KIF7: variants seen among roughly 807,000 people sequenced by gnomAD.
The protein encoded by KIF7 is kinesin family member 7, also known as kinesin-like protein KIF7.
Under a neutral mutation model 135.7 loss-of-function variants are expected in KIF7, and 104 were observed. The observed-to-expected ratio is 0.77, with a 90% CI of 0.65 to 0.90. The LOEUF is 0.90. KIF7 is among the 40% of genes least tolerant of loss of function. KIF7 has a pLI of 0.00. For missense variants in KIF7, 2,005 were observed against 1,839.1 expected, an observed-to-expected ratio of 1.09 and a Z score of -1.65; for synonymous variants, 883 against 809.4, an observed-to-expected ratio of 1.09 and a Z score of -1.54.
At chr15:89,657,100 G>C (rs1389350544), upstream of KIF7, among the ~76,000 whole-genome samples, 2 of 152,108 alleles carry the variant, frequency 1.3e-5, no homozygotes, top group South Asian at 2.1e-4. Flanking sequence ...TTCAGCCCAG[G>C]AGTTTGAGAC....
chr15:89,646,931 G>A lies in KIF7; in HGVS notation c.1687C>T (p.Pro563Ser), dbSNP rs548587196. Residue 563 changes from proline (P) to serine (S), a missense_variant, in exon 7 of 19, where the codon CCT (proline) becomes TCT (serine). Physicochemically the swap from Pro to Ser is moderately conservative, Grantham distance 74. Coordinates refer to ENST00000394412, the MANE Select transcript of KIF7 (RefSeq NM_198525.3). The part of the protein sequence containing the change: ...GLPPGSFVPR[P>S]HTAPLGGAHA... Reference sequence around the variant, plus strand: ...GCACCCCCCAGGGGGGCTGTATGAGGTCGAGGCACAAAGGACCCGGGAGGC... The same window carrying A: ...GCACCCCCCAGGGGGGCTGTATGAGATCGAGGCACAAAGGACCCGGGAGGC... 2.5e-6 allele frequency: 4 copies of A among 1,613,916 alleles called. No homozygotes were observed. Among genetic ancestry groups the A allele is most frequent in the East Asian group, 4.5e-5 (2 of 44,860 alleles).
In KIF7 at chr15:89,648,535, C is replaced by T. The variant is rs1443757855; in HGVS notation, c.1163G>A (p.Gly388Asp). 1.6e-6 allele frequency: 2 copies of T among 1,220,950 alleles called. No homozygotes were observed. Among genetic ancestry groups the T allele is most frequent in the Non-Finnish European group, 2.1e-6 (2 of 974,666 alleles). The allele number at this position is 1,220,950 out of a possible 1,614,324, so 75.6% of individuals were successfully genotyped here. The stretch of plus-strand genomic sequence containing the variant: ...GGTGGCTGGGCCTGGGGCGCGCCGG[C>T]CGCGGTGGATGATGCGGGTCTCGGA... ...HRSETRIIHR[G>D]RRAPGPATAS... Residue 388 changes from glycine (G) to aspartate (D), a missense_variant, in exon 5 of 19, where the codon GGC becomes GAC. By Grantham distance (94) the Gly-to-Asp change is moderately conservative. Transcript: ENST00000394412.
At chr15:89,624,433 C>T (rs267604372), downstream of KIF7, 1 of 1,614,202 alleles carries the variant, frequency 6.2e-7, no homozygotes, top group Non-Finnish European at 8.5e-7. Context: ...CACCGTCCCT[C>T]CTCCACCCCC....
At chr15:89,650,765 G>A (rs889937801) in intron 2 of KIF7, among the ~76,000 whole-genome samples, 1 of 151,730 alleles carries the variant, frequency 6.6e-6, no homozygotes, top group African/African-American at 2.4e-5. Context: ...GGTAGAGACA[G>A]GGTCTTGCTG....
intron 11 of KIF7, 64 bp downstream of exon 11, chr15:89,642,139 C>T: frequency 1.3e-6 from 2 of 1,546,088 alleles, no homozygotes; most frequent in Middle Eastern, 2.3e-4. Flanking sequence ...GTCCTGGTCC[C>T]AAGGATGGCA....
chr15:89,649,993 G>A lies in KIF7; in HGVS notation c.329-52C>T, dbSNP rs1242826495. On this transcript the variant is annotated intron_variant, in intron 2 of 18. Transcript: ENST00000394412. ...CCACTTCAGCTGGACACGGCCCATG[G>A]CCCCCAGGCCCGGAAGCTCATAGGC... 2.6e-6 allele frequency: 4 copies of A among 1,522,906 alleles called. No individual in the cohort carries two copies. The South Asian group carries it at 3.6e-5, about 14-fold the overall frequency. 94.3% of individuals were successfully genotyped at this position (1,522,906 alleles called of 1,614,324 possible). A position where few individuals can be genotyped will look rare whatever the true frequency, so the allele number is the denominator to read the frequency against.
chr15:89,648,809 G>A lies in KIF7; in HGVS notation c.924-35C>T, dbSNP rs1013707437. The A allele has an allele frequency of 3.8e-5, 58 of 1,514,854 alleles. No individual in the cohort carries two copies. In the Admixed American group the frequency reaches 1.0e-3, roughly 27 times the overall value. The allele number at this position is 1,514,854 out of a possible 1,614,324, so 93.8% of individuals were successfully genotyped here. On this transcript the variant is annotated intron_variant, in intron 4 of 18. Coordinates refer to ENST00000394412, the MANE Select transcript of KIF7 (RefSeq NM_198525.3). ...CGAGGGGGAGGCTCTCAGGGGCCCC[G>A]ACGCTCCAGGCCCAGGGCCAGCGGG... is the stretch of plus-strand genomic sequence containing the variant.
chr15:89,630,632 A>G (rs1254996984), intron 15 of KIF7, 139 bp from the exon 16 acceptor site: 3 of 730,504 alleles, frequency 4.1e-6, no homozygotes, highest in African/African-American at 3.5e-5. Context: ...CAGCCCATCG[A>G]GAGAGGTGCC....
chr15:89,647,657 T>C lies in KIF7; in HGVS notation c.1499A>G (p.Glu500Gly), dbSNP rs1206868473. The part of the protein sequence containing the change: ...LTLQNQVARL[E>G]EENRDFLAAL... ...AGCCAGAAAGTCTCGGTTCTCCTCC[T>C]CCAGCCGCGCCACCTGGTTCTGCAG... Residue 500 changes from glutamate (E) to glycine (G), a missense_variant, in exon 6 of 19, where the codon GAG becomes GGG. Physicochemically the swap from Glu to Gly is moderately conservative, Grantham distance 98 (BLOSUM62 -2). Coordinates refer to ENST00000394412, the MANE Select transcript of KIF7 (RefSeq NM_198525.3). The C allele has an allele frequency of 6.2e-7, 1 of 1,610,554 alleles. No homozygotes were observed.
intron 6 of KIF7, among the ~76,000 whole-genome samples, 189 bp from the exon 7 acceptor site, chr15:89,647,246 A>G (rs943637802): frequency 2.0e-4 from 30 of 151,612 alleles, no homozygotes; most frequent in Non-Finnish European, 2.2e-4. Context: ...ATCCCATCAC[A>G]CTCCTATCCT....
rs187518201 is a variant in KIF7 at position 89,630,608 on chromosome 15, C to T, written c.3112-115G>A. On this transcript the variant is annotated intron_variant, in intron 15 of 18. Transcript: ENST00000394412. Reference sequence around the variant, plus strand: ...AACTGGGCCTTAAGGGTCCCCTCGTCCCAAGGGCCAAGTCAGCCCATCGAG... The same window carrying T: ...AACTGGGCCTTAAGGGTCCCCTCGTTCCAAGGGCCAAGTCAGCCCATCGAG... 6.5e-5 allele frequency: 57 copies of T among 872,834 alleles called. 1 individual carries two copies. In the East Asian group the frequency reaches 1.1e-3, roughly 16 times the overall value. The allele number at this position is 872,834 out of a possible 1,614,324, so 54.1% of individuals were successfully genotyped here.
At chr15:89,632,287 C>A (rs1963696831) in intron 14 of KIF7, among the ~76,000 whole-genome samples, 1 of 152,224 alleles carries the variant, frequency 6.6e-6, no homozygotes, top group Non-Finnish European at 1.5e-5. Context: ...ATCATGGTAA[C>A]ATTATGATCC....
Position 89,630,503 on chromosome 15 carries a change from C to CAG in KIF7, c.3112-11_3112-10insCT, listed in dbSNP as rs35820949. The CAG allele has an allele frequency of 0.57, 880,979 of 1,548,200 alleles. 253,302 individuals carry two copies. Among genetic ancestry groups the CAG allele is most frequent in the Non-Finnish European group, 0.59 (673,116 of 1,145,940 alleles). On this transcript the variant is annotated splice_polypyrimidine_tract_variant and intron_variant, in intron 15 of 18. Coordinates refer to ENST00000394412, the MANE Select transcript of KIF7 (RefSeq NM_198525.3). ...ACAGCGTCCGCTCCTCCTGCAGAGACGGGCACGCGTGGAGGAACAGCACCC... is the reference window on the plus strand; with the variant it reads ...ACAGCGTCCGCTCCTCCTGCAGAGACAGGGGCACGCGTGGAGGAACAGCACCC...
At position 89,652,535 on chromosome 15, in the gene KIF7, A is replaced by G. The variant is rs11630004; in HGVS notation, c.328+68T>C. ...CCACAGAACAGGCAGCAAGAGGACAAGGCAGAAATCCAGGAAGGAACTAAG... is the reference window on the plus strand; with the variant it reads ...CCACAGAACAGGCAGCAAGAGGACAGGGCAGAAATCCAGGAAGGAACTAAG... On this transcript the variant is annotated intron_variant, in intron 2 of 18. Coordinates refer to ENST00000394412, the MANE Select transcript of KIF7 (RefSeq NM_198525.3). 0.89 allele frequency: 1,094,563 copies of G among 1,223,410 alleles called. 491,768 individuals carry two copies. The highest frequency in any genetic ancestry group is 0.92 in the Non-Finnish European group (810,155 of 881,618). The allele number at this position is 1,223,410 out of a possible 1,614,324, so 75.8% of individuals were successfully genotyped here.
intron 11 of KIF7, among the ~76,000 whole-genome samples, chr15:89,641,745 G>C (rs762817331): frequency 6.6e-5 from 10 of 152,160 alleles, no homozygotes; most frequent in African/African-American, 2.4e-4. Flanking sequence ...AGGTTGCAGT[G>C]AGCCAGGATG....
At chr15:89,634,288 G>C (rs1207437809) in intron 11 of KIF7, among the ~76,000 whole-genome samples, 1 of 152,200 alleles carries the variant, frequency 6.6e-6, no homozygotes, top group Non-Finnish European at 1.5e-5. Context: ...AACACAGCAA[G>C]ACTCTGACTC....
In KIF7 at chr15:89,648,361, G is replaced by T. The variant is rs951204252; in HGVS notation, c.1337C>A (p.Ala446Asp). Reference protein sequence around the residue: ...AARKVRDWLCAVEGERSALSS... With the variant: ...AARKVRDWLCDVEGERSALSS... ...CAGGGCGCTGCGCTCGCCCTCGACG[G>T]CGCACAGCCAGTCGCGCACCTTGCG... is the stretch of plus-strand genomic sequence containing the variant. Residue 446 changes from alanine (A) to aspartate (D), a missense_variant, in exon 5 of 19, where the codon GCC becomes GAC. By Grantham distance (126) the Ala-to-Asp change is moderately radical. Coordinates refer to ENST00000394412, the MANE Select transcript of KIF7 (RefSeq NM_198525.3). 1.0e-5 allele frequency: 14 copies of T among 1,397,524 alleles called. No homozygotes were observed. The highest frequency in any genetic ancestry group is 1.1e-5 in the Non-Finnish European group (12 of 1,073,202). The allele number at this position is 1,397,524 out of a possible 1,614,324, so 86.6% of individuals were successfully genotyped here. A position where few individuals can be genotyped will look rare whatever the true frequency, so the allele number is the denominator to read the frequency against.
downstream of KIF7, chr15:89,625,995 G>T (rs753215362): frequency 1.9e-6 from 3 of 1,610,954 alleles, no homozygotes; most frequent in Non-Finnish European, 2.5e-6. Context: ...TGCCCTCCAG[G>T]CTCTGACCCA....
At chr15:89,618,894 G>T (rs1249138929) in intron 1 of KIF7, among the ~76,000 whole-genome samples, 1 of 152,246 alleles carries the variant, frequency 6.6e-6, no homozygotes, top group African/African-American at 2.4e-5. Context: ...TGGAGTTCAA[G>T]GCTGCAGTGA....
Sources: gnomAD v4.1 joint callset for allele counts (sites outside exome capture counted in the v4.1 genomes callset) on GRCh38, gnomAD v4.1.1 for gene constraint, MANE v1.5 for transcripts, NCBI Gene and HGNC (gene_info 2026-07-23, HGNC 2026-07-21) for gene names.